ADCK1: variants seen among roughly 807,000 people sequenced by gnomAD.
ADCK1 encodes the protein aarF domain-containing protein kinase 1.
A neutral mutation model predicts 52.3 loss-of-function variants in ADCK1; 41 were observed. The ratio of observed to expected loss-of-function variants is 0.78; its 90% confidence interval spans 0.61 to 1.02. The LOEUF is 1.02. Ranked by LOEUF, ADCK1 falls within the 50% of genes least tolerant of loss-of-function variation. The pLI, the probability that ADCK1 is intolerant of heterozygous loss-of-function variation, is 0.00. For missense variants in ADCK1, 658 were observed against 679.5 expected (o/e 0.97, Z 0.35); for synonymous variants, 250 against 274.6 (o/e 0.91, Z 0.89).
chr14:77,880,745 T>C (rs1208568645), intron 4 of ADCK1, among the ~76,000 whole-genome samples: 2 of 152,232 alleles, frequency 1.3e-5, no homozygotes, highest in African/African-American at 4.8e-5. Flanking sequence ...CAGGAAGCAC[T>C]GTCTCCAGCA....
At chr14:77,806,205 T>G (rs762079063) in intron 1 of ADCK1, among the ~76,000 whole-genome samples, 1 of 151,678 alleles carries the variant, frequency 6.6e-6, no homozygotes, top group African/African-American at 2.4e-5. Context: ...GGATTACAGG[T>G]GTGAGCACTC....
chr14:77,926,328 C>G (rs1418421504), intron 9 of ADCK1, among the ~76,000 whole-genome samples: 1 of 152,184 alleles, frequency 6.6e-6, no homozygotes, highest in Non-Finnish European at 1.5e-5. Context: ...TAGGGACTAT[C>G]TCTTAAATAA....
intron 3 of ADCK1, among the ~76,000 whole-genome samples, chr14:77,834,540 G>C (rs921623651): frequency 6.6e-6 from 1 of 152,190 alleles, no homozygotes; most frequent in Non-Finnish European, 1.5e-5. Context: ...CTGATGTGAT[G>C]GTGTTTGCTG....
At chr14:77,810,320 C>G (rs1253483067) in intron 1 of ADCK1, among the ~76,000 whole-genome samples, 2 of 151,870 alleles carry the variant, frequency 1.3e-5, no homozygotes, top group African/African-American at 4.8e-5. Flanking sequence ...TTGCTGTGTT[C>G]TTCAGGCTAG....
At chr14:77,883,814 C>G (rs1050019581) in intron 4 of ADCK1, among the ~76,000 whole-genome samples, 4 of 152,144 alleles carry the variant, frequency 2.6e-5, no homozygotes, top group Non-Finnish European at 2.9e-5. Flanking sequence ...GTGGGCAAGT[C>G]CTCACAGCTG....
chr14:77,833,321 GTT>G (rs2081895810), intron 3 of ADCK1, among the ~76,000 whole-genome samples: 1 of 152,212 alleles, frequency 6.6e-6, no homozygotes. Flanking sequence ...TTTTCAGTGA[GTT>G]TTCAAGCACT....
intron 2 of ADCK1, 139 bp downstream of exon 2, chr14:77,819,252 A>G: frequency 9.7e-6 from 11 of 1,137,074 alleles, no homozygotes; most frequent in South Asian, 1.6e-5. Context: ...CTACATCTGC[A>G]CAGGTGTACA....
At chr14:77,868,528 T>C (rs753800633) in intron 4 of ADCK1, among the ~76,000 whole-genome samples, 3 of 152,196 alleles carry the variant, frequency 2.0e-5, no homozygotes, top group Admixed American at 6.5e-5. Flanking sequence ...TCTTCCAGTC[T>C]TTTGTCTTGC....
At chr14:77,894,455 T>G (rs2083353574) in intron 5 of ADCK1, among the ~76,000 whole-genome samples, 1 of 152,190 alleles carries the variant, frequency 6.6e-6, no homozygotes, top group Admixed American at 6.5e-5. Flanking sequence ...CTGCCTTATC[T>G]TGAGCTTCCT....
chr14:77,889,078 C>G (rs1283108572), intron 5 of ADCK1, among the ~76,000 whole-genome samples: 4 of 152,204 alleles, frequency 2.6e-5, no homozygotes, highest in Non-Finnish European at 5.9e-5. Context: ...TGCAAAGGCT[C>G]TCTTGCCTGC....
At chr14:77,858,895 C>G (rs545812747) in intron 3 of ADCK1, among the ~76,000 whole-genome samples, 181 bp from the exon 4 acceptor site, 2 of 152,154 alleles carry the variant, frequency 1.3e-5, no homozygotes, top group African/African-American at 4.8e-5. Context: ...TTGACTGCCC[C>G]GTGTACCAGG....
At chr14:77,803,552 C>T (rs1325678515) in intron 1 of ADCK1, among the ~76,000 whole-genome samples, 5 of 152,174 alleles carry the variant, frequency 3.3e-5, no homozygotes, top group African/African-American at 9.7e-5. Flanking sequence ...ATTTTCATAA[C>T]CTACTGGGGT....
chr14:77,929,559 G>A (rs1418542850), intron 9 of ADCK1, among the ~76,000 whole-genome samples: 1 of 152,248 alleles, frequency 6.6e-6, no homozygotes, highest in Non-Finnish European at 1.5e-5. Flanking sequence ...GTGGCAAGGG[G>A]CTGAGAGCTC....
chr14:77,917,253 C>G (rs1595084983), intron 7 of ADCK1, among the ~76,000 whole-genome samples: 1 of 151,932 alleles, frequency 6.6e-6, no homozygotes, highest in Non-Finnish European at 1.5e-5. Context: ...TAGGTCTGGT[C>G]TAGTCTTTCA....
At chr14:77,840,486 G>A (rs1238579675) in intron 3 of ADCK1, among the ~76,000 whole-genome samples, 2 of 151,986 alleles carry the variant, frequency 1.3e-5, no homozygotes, top group East Asian at 3.9e-4. Flanking sequence ...ACTTATAAAA[G>A]CCATGGTGAT....
chr14:77,844,317 G>A (rs2082132761), intron 3 of ADCK1, among the ~76,000 whole-genome samples: 1 of 152,084 alleles, frequency 6.6e-6, no homozygotes, highest in South Asian at 2.1e-4. Flanking sequence ...TCCTGACCAC[G>A]TGTTCCAACC....
At chr14:77,844,242 G>A (rs1040913071) in intron 3 of ADCK1, among the ~76,000 whole-genome samples, 2 of 151,882 alleles carry the variant, frequency 1.3e-5, no homozygotes, top group African/African-American at 2.4e-5. Context: ...CACCATGCCC[G>A]GTGAATTATT....
At chr14:77,876,417 C>T (rs1019004857) in intron 4 of ADCK1, among the ~76,000 whole-genome samples, 7 of 152,230 alleles carry the variant, frequency 4.6e-5, no homozygotes, top group African/African-American at 1.7e-4. Flanking sequence ...ATTGGGCCCA[C>T]CTGGATAATC....
intron 3 of ADCK1, among the ~76,000 whole-genome samples, chr14:77,857,219 G>A (rs953036879): frequency 6.6e-6 from 1 of 151,974 alleles, no homozygotes; most frequent in African/African-American, 2.4e-5. Context: ...AGGCCGAGGT[G>A]GGTGGATTGC....
Sources: allele counts gnomAD v4.1 joint callset (sites outside exome capture counted in the v4.1 genomes callset), GRCh38; gene constraint gnomAD v4.1.1; transcripts MANE v1.5; gene names NCBI Gene and HGNC (gene_info 2026-07-23, HGNC 2026-07-21).